MRTFB: variants seen among roughly 807,000 people sequenced by gnomAD.
MRTFB encodes myocardin related transcription factor B, also known as myocardin-related transcription factor B.
Under a neutral mutation model 104.2 loss-of-function variants are expected in MRTFB, and 29 were observed. The ratio of observed to expected loss-of-function variants is 0.28; its 90% confidence interval spans 0.21 to 0.38. MRTFB has a LOEUF of 0.38. MRTFB is among the 10% of genes least tolerant of loss of function. The pLI is 1.00. For missense variants in MRTFB, 1,270 were observed against 1,341.6 expected (o/e 0.95, Z 0.83); for synonymous variants, 535 against 519.5 (o/e 1.03, Z -0.41).
intron 3 of MRTFB, among the ~76,000 whole-genome samples, chr16:14,182,330 C>T (rs1003277877): frequency 9.9e-5 from 15 of 152,080 alleles, no homozygotes; most frequent in Admixed American, 7.9e-4. Flanking sequence ...TACAGGGTGT[C>T]CATGAGTGGA....
At chr16:14,086,527 G>A (rs1458899967) in intron 2 of MRTFB, among the ~76,000 whole-genome samples, 1 of 152,150 alleles carries the variant, frequency 6.6e-6, no homozygotes, top group Non-Finnish European at 1.5e-5. Flanking sequence ...GTCTTCAATA[G>A]TAGAGTCTAA....
chr16:14,115,171 G>A (rs1596906618), intron 2 of MRTFB, among the ~76,000 whole-genome samples: 2 of 152,316 alleles, frequency 1.3e-5, no homozygotes, highest in African/African-American at 4.8e-5. Context: ...ACACTACTTG[G>A]AATTATGCTA....
chr16:14,024,326 G>A, the MRTFB span, among the ~76,000 whole-genome samples: 1 of 152,178 alleles, frequency 6.6e-6, no homozygotes, highest in South Asian at 2.1e-4. Context: ...ACATTGAAAT[G>A]TTGAGGATAA....
intron 10 of MRTFB, 109 bp from the exon 11 acceptor site, chr16:14,245,419 C>T (rs778709735): frequency 1.5e-5 from 13 of 894,390 alleles, no homozygotes; most frequent in Non-Finnish European, 2.0e-5. Context: ...CCTTCCAATC[C>T]ATAACCATGG....
chr16:14,228,511 G>A (rs1167533350), intron 8 of MRTFB, among the ~76,000 whole-genome samples: 2 of 152,066 alleles, frequency 1.3e-5, no homozygotes, highest in African/African-American at 4.8e-5. Context: ...AGGAGGTGGA[G>A]GTTGCAGTGA....
At chr16:14,174,183 G>T (rs2039508735) in intron 3 of MRTFB, among the ~76,000 whole-genome samples, 1 of 152,100 alleles carries the variant, frequency 6.6e-6, no homozygotes, top group Admixed American at 6.5e-5. Flanking sequence ...TATTGATTGT[G>T]CTATTTTGGC....
At chr16:14,063,586 A>AGC in the MRTFB span, among the ~76,000 whole-genome samples, 1 of 152,112 alleles carries the variant, frequency 6.6e-6, no homozygotes, top group Non-Finnish European at 1.5e-5. Context: ...GCTCCCACTT[A>AGC]TAAGTTAGAA....
intron 2 of MRTFB, among the ~76,000 whole-genome samples, chr16:14,136,861 A>G (rs2037748124): frequency 6.6e-6 from 1 of 151,832 alleles, no homozygotes; most frequent in Admixed American, 6.6e-5. Flanking sequence ...TTACAGTATT[A>G]TGCTGTATTT....
At chr16:14,165,505 A>T (rs574158876) in intron 3 of MRTFB, among the ~76,000 whole-genome samples, 2 of 152,182 alleles carry the variant, frequency 1.3e-5, no homozygotes, top group Non-Finnish European at 2.9e-5. Context: ...TTGCCTAGCC[A>T]TGCGGCCGCC....
At chr16:14,212,199 G>C (rs1597261779) in intron 4 of MRTFB, among the ~76,000 whole-genome samples, 155 bp from the exon 5 acceptor site, 1 of 152,186 alleles carries the variant, frequency 6.6e-6, no homozygotes. Flanking sequence ...TAACATTTAA[G>C]ATTTCAAATT....
intron 3 of MRTFB, chr16:14,151,979 T>A (rs145708785): frequency 4.6e-5 from 7 of 152,286 alleles, no homozygotes; most frequent in African/African-American, 1.7e-4. Context: ...GAGGACTGAT[T>A]TATAGAATTT....
the MRTFB span, among the ~76,000 whole-genome samples, chr16:14,022,179 C>T: frequency 1.3e-5 from 2 of 152,178 alleles, no homozygotes; most frequent in African/African-American, 4.8e-5. Flanking sequence ...GTTCCAGAGG[C>T]TAGTAGAGTC....
chr16:14,061,934 T>C, the MRTFB span, among the ~76,000 whole-genome samples: 1 of 152,094 alleles, frequency 6.6e-6, no homozygotes, highest in Non-Finnish European at 1.5e-5. Context: ...CCTGTACCAG[T>C]GTAAATATTT....
intron 9 of MRTFB, 144 bp downstream of exon 9, chr16:14,234,427 C>G: frequency 1.1e-6 from 1 of 934,900 alleles, no homozygotes. Flanking sequence ...CATGCAAAGA[C>G]TTGCTAGACT....
chr16:14,172,819 G>A (rs1434742622), intron 3 of MRTFB, among the ~76,000 whole-genome samples: 2 of 152,162 alleles, frequency 1.3e-5, no homozygotes, highest in Non-Finnish European at 2.9e-5. Context: ...AGGAGGGAAA[G>A]AATGAATTAT....
chr16:14,191,055 C>T (rs1475198055), intron 3 of MRTFB, among the ~76,000 whole-genome samples: 1 of 152,144 alleles, frequency 6.6e-6, no homozygotes, highest in Non-Finnish European at 1.5e-5. Context: ...CCTGGAAATA[C>T]ATCGAGATTA....
At chr16:14,040,249 A>G in the MRTFB span, among the ~76,000 whole-genome samples, 1 of 152,224 alleles carries the variant, frequency 6.6e-6, no homozygotes, top group African/African-American at 2.4e-5. Context: ...ACTAATGGCC[A>G]TTTAGATTAT....
chr16:14,170,680 C>A (rs1269192590), intron 3 of MRTFB, among the ~76,000 whole-genome samples: 1 of 151,978 alleles, frequency 6.6e-6, no homozygotes, highest in East Asian at 1.9e-4. Context: ...GTATATATTC[C>A]AGAATATTCA....
rs1443245228 is a variant in MRTFB at position 14,251,861 on chromosome 16, G to A, written c.2404-1G>A. On this transcript the variant is annotated splice_acceptor_variant, in intron 13 of 16. Coordinates refer to ENST00000571589, the MANE Select transcript of MRTFB (RefSeq NM_001308142.2). LOFTEE classifies it high-confidence loss of function. ...AATGGAGAAACATTTATTCATTACA[G>A]GTTTTCACAAACTCAGCATCATCAA... The A allele has an allele frequency of 6.2e-7, 1 of 1,613,558 alleles. No homozygotes were observed. Among genetic ancestry groups the A allele is most frequent in the Non-Finnish European group, 8.5e-7 (1 of 1,179,846 alleles).
Sources: gnomAD v4.1 joint callset for allele counts (sites outside exome capture counted in the v4.1 genomes callset) on GRCh38, gnomAD v4.1.1 for gene constraint, MANE v1.5 for transcripts, NCBI Gene and HGNC (gene_info 2026-07-23, HGNC 2026-07-21) for gene names.